Variants in CAP2 observed in about 807,000 individuals in gnomAD.
CAP2 encodes adenylyl cyclase-associated protein 2.
Under a neutral mutation model 57.7 loss-of-function variants are expected in CAP2, and 24 were observed. That is an observed-to-expected ratio of 0.42 (90% CI 0.30 to 0.58). CAP2 has a LOEUF of 0.58. Ranked by LOEUF, CAP2 falls within the 20% of genes least tolerant of loss-of-function variation. The pLI, the probability that CAP2 is intolerant of heterozygous loss-of-function variation, is 0.22. For missense variants in CAP2, 501 were observed against 590.3 expected, an observed-to-expected ratio of 0.85 and a Z score of 1.57; for synonymous variants, 194 against 207.2, an observed-to-expected ratio of 0.94 and a Z score of 0.55.
intron 7 of CAP2, among the ~76,000 whole-genome samples, chr6:17,516,372 C>A (rs1446981404): frequency 6.6e-6 from 1 of 152,154 alleles, no homozygotes; most frequent in Non-Finnish European, 1.5e-5. Context: ...TAGAATGTTT[C>A]TTGCCCTTTT....
At chr6:17,432,613 A>T (rs1759765065) in intron 3 of CAP2, among the ~76,000 whole-genome samples, 1 of 152,184 alleles carries the variant, frequency 6.6e-6, no homozygotes, top group Non-Finnish European at 1.5e-5. Flanking sequence ...CCAGGCTTTA[A>T]ATGGGGCATC....
intron 1 of CAP2, among the ~76,000 whole-genome samples, chr6:17,419,347 C>T (rs185644525): frequency 6.6e-6 from 1 of 152,302 alleles, no homozygotes; most frequent in African/African-American, 2.4e-5. Context: ...TGCTGTTCCT[C>T]TTTTGCTCAG....
intron 12 of CAP2, 71 bp downstream of exon 12, chr6:17,551,675 T>A: frequency 1.7e-6 from 2 of 1,197,706 alleles, no homozygotes; most frequent in Non-Finnish European, 2.3e-6. Flanking sequence ...AGAGATTGAT[T>A]AATCAGCTAC....
Position 17,504,444 on chromosome 6 carries a change from C to G in CAP2, c.301-2725C>G, listed in dbSNP as rs564881203. ...CTCTTAATCTCTTCTAACACCTTTC[C>G]CTAGTCTTATTGGTAGAGAAGAAAC... On this transcript the variant is annotated intron_variant, in intron 4 of 12. Coordinates refer to ENST00000229922, the MANE Select transcript of CAP2 (RefSeq NM_006366.3). 2.0e-5 allele frequency among the ~76,000 whole-genome samples: 3 copies of G among 152,272 alleles called. No homozygotes were observed. In the East Asian group the frequency reaches 5.8e-4, roughly 29 times the overall value.
intron 3 of CAP2, among the ~76,000 whole-genome samples, chr6:17,442,849 C>T (rs1760129169): frequency 6.6e-6 from 1 of 152,092 alleles, no homozygotes; most frequent in Admixed American, 6.6e-5. Flanking sequence ...TCCCGAGTAG[C>T]TGGAACTACA....
intron 6 of CAP2, among the ~76,000 whole-genome samples, chr6:17,508,045 A>C (rs1762037668): frequency 6.6e-6 from 1 of 152,262 alleles, no homozygotes. Flanking sequence ...TATATGGTAC[A>C]GAACCTTTAC....
At chr6:17,474,460 A>G (rs547048781) in intron 4 of CAP2, among the ~76,000 whole-genome samples, 5 of 152,314 alleles carry the variant, frequency 3.3e-5, no homozygotes, top group Non-Finnish European at 7.3e-5. Flanking sequence ...TTCATCTTAC[A>G]TACTGCAGCC....
chr6:17,496,563 C>T (rs556135448), intron 4 of CAP2, among the ~76,000 whole-genome samples: 4 of 152,152 alleles, frequency 2.6e-5, no homozygotes, highest in African/African-American at 9.6e-5. Flanking sequence ...TGGGTTCAAG[C>T]CATCTGCCCA....
At chr6:17,483,631 A>C (rs1039487703) in intron 4 of CAP2, among the ~76,000 whole-genome samples, 4 of 152,210 alleles carry the variant, frequency 2.6e-5, no homozygotes, top group African/African-American at 9.6e-5. Context: ...GAAAGGTATG[A>C]AAGACGGGAA....
At chr6:17,488,284 T>G (rs1761468391) in intron 4 of CAP2, among the ~76,000 whole-genome samples, 1 of 152,194 alleles carries the variant, frequency 6.6e-6, no homozygotes, top group Non-Finnish European at 1.5e-5. Flanking sequence ...TTTTGGTATC[T>G]TTTTCTGCTG....
In CAP2 at chr6:17,556,618, T is replaced by G; in HGVS notation, c.*176T>G. 1.8e-6 allele frequency: 1 copy of G among 561,656 alleles called. No individual in the cohort carries two copies. The highest frequency in any genetic ancestry group is 3.2e-6 in the Non-Finnish European group (1 of 312,470). The allele number at this position is 561,656 out of a possible 1,614,324, so 34.8% of individuals were successfully genotyped here. A position where few individuals can be genotyped will look rare whatever the true frequency, so the allele number is the denominator to read the frequency against. ...ACGCCTCGTGGGCATTTTGAAATAT[T>G]TAACGTTTCCTCATGATTTGCCTTT... is the stretch of plus-strand genomic sequence containing the variant. On this transcript the variant is annotated 3_prime_UTR_variant, in exon 13 of 13. Transcript: ENST00000229922.
intron 4 of CAP2, among the ~76,000 whole-genome samples, chr6:17,469,799 A>G (rs1760971759): frequency 6.6e-6 from 1 of 152,184 alleles, no homozygotes; most frequent in African/African-American, 2.4e-5. Context: ...CCGTTCCTCC[A>G]TCTCTGAGTG....
rs541410154 is a variant in CAP2, at chr6:17,427,788, A to T, written c.222+1098A>T. ...CAGATACACTAAATGTGGTCTGTAC[A>T]TACAATGGAATATTATTCAGCCTTG... On this transcript the variant is annotated intron_variant, in intron 3 of 12. Coordinates refer to ENST00000229922, the MANE Select transcript of CAP2 (RefSeq NM_006366.3). 2.6e-5 allele frequency among the ~76,000 whole-genome samples: 4 copies of T among 152,356 alleles called. No individual in the cohort carries two copies. In the East Asian group the frequency reaches 7.7e-4, roughly 29 times the overall value.
intron 3 of CAP2, among the ~76,000 whole-genome samples, chr6:17,443,202 C>T (rs1171996311): frequency 6.6e-6 from 1 of 152,062 alleles, no homozygotes. Flanking sequence ...CAGTGGGCCA[C>T]TATCACGGTA....
At chr6:17,397,305 C>T (rs1013318981) in intron 1 of CAP2, among the ~76,000 whole-genome samples, 5 of 152,042 alleles carry the variant, frequency 3.3e-5, no homozygotes, top group Non-Finnish European at 7.4e-5. Context: ...GGTAATCTGC[C>T]GTTCTCGGCC....
At chr6:17,480,288 A>G (rs779113722) in intron 4 of CAP2, among the ~76,000 whole-genome samples, 23 of 152,118 alleles carry the variant, frequency 1.5e-4, no homozygotes, top group Admixed American at 2.6e-4. Flanking sequence ...ACATTGGACA[A>G]CACAAGTGCT....
intron 1 of CAP2, among the ~76,000 whole-genome samples, chr6:17,400,369 T>G (rs1758779115): frequency 1.3e-5 from 2 of 152,192 alleles, no homozygotes; most frequent in African/African-American, 2.4e-5. Flanking sequence ...AATTCTGGGA[T>G]CCATTGGTTG....
At chr6:17,470,047 A>G (rs1033701524) in intron 4 of CAP2, among the ~76,000 whole-genome samples, 3 of 152,246 alleles carry the variant, frequency 2.0e-5, no homozygotes, top group African/African-American at 4.8e-5. Flanking sequence ...AGGGTTGTCA[A>G]GAGCAGAAAC....
Position 17,500,340 on chromosome 6 carries a change from AATATATATATATATATATATATAT to A in CAP2, c.301-6808_301-6785del, listed in dbSNP as rs4052821. 1.9e-3 allele frequency among the ~76,000 whole-genome samples: 64 copies of A among 33,076 alleles called. 3 individuals carry two copies. The highest frequency in any genetic ancestry group is 4.7e-3 in the East Asian group (4 of 858). 21.7% of individuals were successfully genotyped at this position (33,076 alleles called of 152,430 possible). A position where few individuals can be genotyped will look rare whatever the true frequency, so the allele number is the denominator to read the frequency against. Reference sequence around the variant, plus strand: ...GTCCAAATATATATGTGTGTGTCCAAATATATATATATATATATATATATATATATATATATATATATATTTGGA... The same window carrying A: ...GTCCAAATATATATGTGTGTGTCCAAATATATATATATATATATATTTGGA... On this transcript the variant is annotated intron_variant, in intron 4 of 12. Transcript: ENST00000229922.
Sources: gnomAD v4.1 joint callset for allele counts (sites outside exome capture counted in the v4.1 genomes callset) on GRCh38, gnomAD v4.1.1 for gene constraint, MANE v1.5 for transcripts, NCBI Gene and HGNC (gene_info 2026-07-23, HGNC 2026-07-21) for gene names.